The following FAM120A variants were observed in gnomAD, a reference collection of about 807,000 sequenced individuals.
FAM120A encodes the protein family with sequence similarity 120 member A.
FAM120A carries 15 observed loss-of-function variants against 109.7 expected under a neutral mutation model. That is an observed-to-expected ratio of 0.14 (90% confidence interval 0.09 to 0.21). The LOEUF (loss-of-function observed/expected upper bound fraction) is 0.21. Ranked by LOEUF, FAM120A falls within the 10% of genes least tolerant of loss-of-function variation. The probability of loss-of-function intolerance (pLI) is 1.00; values close to 1 mark genes in which losing one functional copy is unlikely to be tolerated. For missense variants in FAM120A, 899 were observed against 1,439.3 expected (o/e 0.62, Z 6.07); for synonymous variants, 493 against 572.8 (o/e 0.86, Z 1.99).
In FAM120A at chr9:93,558,606, TGGGGAAACGGTAGCAACAGGC is replaced by T; in HGVS notation, c.2695_2715del (p.Gly899_Gly905del). 6.2e-7 allele frequency: 1 copy of T among 1,614,188 alleles called. No individual in the cohort carries two copies. Among genetic ancestry groups the T allele is most frequent in the Non-Finnish European group, 8.5e-7 (1 of 1,180,012 alleles). On this transcript the variant is annotated inframe_deletion, in exon 15 of 18. Coordinates refer to ENST00000277165, the MANE Select transcript of FAM120A (RefSeq NM_014612.5). Reference sequence around the variant, plus strand: ...GCGTCTGTGGCTTTGGAGGCCCCTATGGGGAAACGGTAGCAACAGGCCCTTACCGTGCCTTCCGTGTGGCGG... The same window carrying T: ...GCGTCTGTGGCTTTGGAGGCCCCTATCCTTACCGTGCCTTCCGTGTGGCGG...
intron 1 of FAM120A, among the ~76,000 whole-genome samples, chr9:93,456,603 C>T (rs1430092898): frequency 2.0e-5 from 3 of 152,180 alleles, no homozygotes; most frequent in Admixed American, 1.3e-4. Context: ...ATTTAATCCT[C>T]AGAGTGCTTT....
chr9:93,534,402 TC>T (rs1171733847), intron 10 of FAM120A, among the ~76,000 whole-genome samples: 8 of 152,012 alleles, frequency 5.3e-5, no homozygotes, highest in Admixed American at 2.0e-4. Flanking sequence ...CTCCTTTTCT[TC>T]CAAAGGAAGA....
At chr9:93,479,168 G>A (rs368384491) in intron 3 of FAM120A, among the ~76,000 whole-genome samples, 8 of 143,358 alleles carry the variant, frequency 5.6e-5, no homozygotes, top group South Asian at 4.3e-4. Context: ...GCGGGATCTC[G>A]GCTCACTGCA....
chr9:93,521,228 CTCTT>C (rs1860832653), intron 7 of FAM120A, among the ~76,000 whole-genome samples: 1 of 152,196 alleles, frequency 6.6e-6, no homozygotes, highest in Non-Finnish European at 1.5e-5. Flanking sequence ...ACACAACACT[CTCTT>C]TCTAGCATGT....
intron 10 of FAM120A, among the ~76,000 whole-genome samples, chr9:93,534,823 G>A (rs1861456046): frequency 6.6e-6 from 1 of 151,612 alleles, no homozygotes; most frequent in South Asian, 2.1e-4. Flanking sequence ...CCATACTTTG[G>A]GGCCATCTTT....
intron 13 of FAM120A, among the ~76,000 whole-genome samples, 177 bp downstream of exon 13, chr9:93,556,768 G>C (rs1862296746): frequency 6.6e-6 from 1 of 152,182 alleles, no homozygotes; most frequent in Non-Finnish European, 1.5e-5. Context: ...CCAAGCTCCT[G>C]ATATAACATT....
intron 8 of FAM120A, 99 bp from the exon 9 acceptor site, chr9:93,529,254 C>G: frequency 1.9e-6 from 2 of 1,062,970 alleles, no homozygotes; most frequent in Non-Finnish European, 2.7e-6. Flanking sequence ...CATCTTTGTC[C>G]CCTCCGTGTC....
At chr9:93,551,474 G>C (rs1192261318) in intron 12 of FAM120A, among the ~76,000 whole-genome samples, 1 of 152,050 alleles carries the variant, frequency 6.6e-6, no homozygotes, top group Non-Finnish European at 1.5e-5. Flanking sequence ...TCAATGTATA[G>C]GGTTTTGTTT....
intron 11 of FAM120A, among the ~76,000 whole-genome samples, chr9:93,549,826 A>T (rs1044533099): frequency 5.3e-5 from 8 of 152,236 alleles, no homozygotes; most frequent in African/African-American, 1.9e-4. Flanking sequence ...TGACTAAGTC[A>T]TTATAGTTAG....
intron 10 of FAM120A, among the ~76,000 whole-genome samples, chr9:93,536,120 G>A (rs1416080702): frequency 6.6e-6 from 1 of 152,228 alleles, no homozygotes; most frequent in Admixed American, 6.5e-5. Context: ...AGGAGTTCTT[G>A]ATTGAGAAGA....
intron 10 of FAM120A, among the ~76,000 whole-genome samples, chr9:93,541,108 G>T (rs1159046085): frequency 6.6e-6 from 1 of 151,596 alleles, no homozygotes; most frequent in African/African-American, 2.4e-5. Context: ...TTTGTTGGGG[G>T]ATATGTTGTG....
At chr9:93,477,320 C>T (rs747165898) in intron 3 of FAM120A, among the ~76,000 whole-genome samples, 7 of 152,126 alleles carry the variant, frequency 4.6e-5, no homozygotes, top group Non-Finnish European at 1.0e-4. Context: ...ATTTTGTTCC[C>T]TGCTGTTTCA....
At chr9:93,555,956 T>C (rs1423223911) in intron 12 of FAM120A, among the ~76,000 whole-genome samples, 1 of 152,014 alleles carries the variant, frequency 6.6e-6, no homozygotes, top group African/African-American at 2.4e-5. Flanking sequence ...CTTAATAGAG[T>C]GTTCAGTTTT....
chr9:93,521,006 G>A (rs1356716009), intron 7 of FAM120A, among the ~76,000 whole-genome samples: 1 of 152,186 alleles, frequency 6.6e-6, no homozygotes, highest in Non-Finnish European at 1.5e-5. Context: ...CAGTTCTCCT[G>A]TGCTGTTGGA....
At chr9:93,559,140 C>T (rs533549075) in intron 15 of FAM120A, among the ~76,000 whole-genome samples, 5 of 152,248 alleles carry the variant, frequency 3.3e-5, no homozygotes, top group South Asian at 2.1e-4. Context: ...CAGTTTGTTT[C>T]GCAGAAACAT....
intron 1 of FAM120A, among the ~76,000 whole-genome samples, chr9:93,469,392 G>A (rs980010126): frequency 6.6e-6 from 1 of 152,180 alleles, no homozygotes; most frequent in African/African-American, 2.4e-5. Flanking sequence ...AGCCAAGAAG[G>A]GAGTGGTCAC....
chr9:93,458,758 C>G (rs1278321491), intron 1 of FAM120A, among the ~76,000 whole-genome samples: 1 of 152,180 alleles, frequency 6.6e-6, no homozygotes, highest in African/African-American at 2.4e-5. Flanking sequence ...AGAATGGCCT[C>G]TGCACCTACC....
At chr9:93,487,246 C>G (rs940151107) in intron 3 of FAM120A, among the ~76,000 whole-genome samples, 7 of 152,156 alleles carry the variant, frequency 4.6e-5, no homozygotes, top group Non-Finnish European at 7.3e-5. Context: ...ACTGCAACCT[C>G]CGCTTTCTAG....
chr9:93,538,465 G>A (rs1861594852), intron 10 of FAM120A, among the ~76,000 whole-genome samples: 1 of 152,020 alleles, frequency 6.6e-6, no homozygotes, highest in South Asian at 2.1e-4. Context: ...GTTGTTTATG[G>A]TCATAACAAC....
Sources: gnomAD v4.1 joint callset for allele counts (sites outside exome capture counted in the v4.1 genomes callset) on GRCh38, gnomAD v4.1.1 for gene constraint, MANE v1.5 for transcripts, NCBI Gene and HGNC (gene_info 2026-07-23, HGNC 2026-07-21) for gene names.